PKHD1: variants seen among roughly 807,000 people sequenced by gnomAD.
PKHD1 encodes fibrocystin.
PKHD1 carries 291 observed loss-of-function variants against 412.0 expected under a neutral mutation model. That is an observed-to-expected ratio of 0.71 (90% confidence interval 0.64 to 0.78). The LOEUF (loss-of-function observed/expected upper bound fraction) is 0.78, where lower values mean the gene tolerates loss of function less well. Among genes scored for constraint, PKHD1 ranks in the 30% least tolerant of loss-of-function variants. The probability of loss-of-function intolerance (pLI) is 0.00; values close to 1 mark genes in which losing one functional copy is unlikely to be tolerated. For missense variants in PKHD1, 4,825 were observed against 4,950.7 expected, an observed-to-expected ratio of 0.97 and a Z score of 0.76; for synonymous variants, 1,777 against 1,821.5, an observed-to-expected ratio of 0.98 and a Z score of 0.62.
Position 51,856,074 on chromosome 6 carries a change from A to G in PKHD1, c.7734-4T>C, listed in dbSNP as rs7452724. The G allele has an allele frequency of 0.35, 548,624 of 1,559,800 alleles. 108,806 individuals carry two copies. Among genetic ancestry groups the G allele is most frequent in the East Asian group, 0.83 (36,720 of 44,276 alleles). On this transcript the variant is annotated splice_polypyrimidine_tract_variant and splice_region_variant and intron_variant, in intron 48 of 66. Coordinates refer to ENST00000371117, the MANE Select transcript of PKHD1 (RefSeq NM_138694.4). ...AGAAACTTCAGGAGTATTCGCTCTA[A>G]GGTGATTTTAAAAGGAAAAAAAATG...
chr6:52,028,289 C>T lies in PKHD1; in HGVS notation c.3427G>A (p.Val1143Ile), dbSNP rs560942967. The part of the protein sequence containing the change: ...LMNYTDLDVE[V>I]HVQDALAPVH... The stretch of plus-strand genomic sequence containing the variant: ...GGAGCCAAGGCATCCTGGACGTGGA[C>T]TTCCACATCCAAATCCGTATAGTTC... The change falls in exon 30 of 67, where the codon GTC becomes ATC. Residue 1143 changes from valine (V) to isoleucine (I), a missense_variant. Coordinates refer to ENST00000371117, the MANE Select transcript of PKHD1 (RefSeq NM_138694.4). 1 of 1,614,082 alleles carries T rather than the reference C, an allele frequency of 6.2e-7. No individual in the cohort carries two copies. The highest frequency in any genetic ancestry group is 8.5e-7 in the Non-Finnish European group (1 of 1,179,992).
At chr6:51,680,531 C>A (rs918701930) in intron 60 of PKHD1, among the ~76,000 whole-genome samples, 1 of 151,874 alleles carries the variant, frequency 6.6e-6, no homozygotes, top group Non-Finnish European at 1.5e-5. Context: ...GGTATATGTT[C>A]TATTTTGGTT....
intron 3 of PKHD1, 51 bp from the exon 4 acceptor site, chr6:52,082,593 G>T: frequency 6.3e-7 from 1 of 1,584,190 alleles, no homozygotes; most frequent in Non-Finnish European, 8.7e-7. Context: ...CATTGACACA[G>T]GACAGTGTGA....
intron 60 of PKHD1, among the ~76,000 whole-genome samples, chr6:51,691,721 T>C (rs145282000): frequency 8.5e-5 from 13 of 152,260 alleles, no homozygotes; most frequent in African/African-American, 3.1e-4. Context: ...GCTTAATACC[T>C]GGGTGACAAA....
chr6:51,951,646 C>T (rs1302208591), intron 36 of PKHD1, among the ~76,000 whole-genome samples: 1 of 151,978 alleles, frequency 6.6e-6, no homozygotes, highest in African/African-American at 2.4e-5. Flanking sequence ...ACAGTACTTC[C>T]TACCTTTACC....
chr6:51,748,700 C>G, intron 57 of PKHD1, 35 bp from the exon 58 acceptor site: 1 of 1,602,648 alleles, frequency 6.2e-7, no homozygotes, highest in East Asian at 2.2e-5. Flanking sequence ...GTACTTTCCT[C>G]TTCCCCACAA....
intron 52 of PKHD1, among the ~76,000 whole-genome samples, chr6:51,793,405 G>A (rs1165975903): frequency 1.3e-5 from 2 of 152,104 alleles, no homozygotes; most frequent in African/African-American, 4.8e-5. Flanking sequence ...ATGCAGGTTT[G>A]TTAACACAGG....
chr6:51,996,988 C>T (rs1797793374), intron 35 of PKHD1, among the ~76,000 whole-genome samples: 1 of 152,192 alleles, frequency 6.6e-6, no homozygotes, highest in Admixed American at 6.5e-5. Context: ...TTGGCCAAAA[C>T]CAATCAACAA....
rs748365248 is a variant in PKHD1, at chr6:52,070,405, C to T, written c.707+1G>A. 7 of 1,599,464 alleles carry T rather than the reference C, an allele frequency of 4.4e-6. No homozygotes were observed. The highest frequency in any genetic ancestry group is 6.0e-6 in the Non-Finnish European group (7 of 1,166,856). On this transcript the variant is annotated splice_donor_variant, in intron 10 of 66. Coordinates refer to ENST00000371117, the MANE Select transcript of PKHD1 (RefSeq NM_138694.4). LOFTEE classifies it high-confidence loss of function. ...GCCTATTTCTATACCCAGTTACTTACTTTCCTTTGTTAAATACTGAGAAGC... is the reference window on the plus strand; with the variant it reads ...GCCTATTTCTATACCCAGTTACTTATTTTCCTTTGTTAAATACTGAGAAGC...
intron 61 of PKHD1, among the ~76,000 whole-genome samples, chr6:51,650,072 G>A (rs1394588050): frequency 6.6e-6 from 1 of 152,142 alleles, no homozygotes; most frequent in Non-Finnish European, 1.5e-5. Context: ...CCTACAAATA[G>A]TAAGTGTTGA....
intron 51 of PKHD1, 71 bp downstream of exon 51, chr6:51,836,333 G>C: frequency 1.0e-6 from 1 of 982,738 alleles, no homozygotes; most frequent in Non-Finnish European, 1.7e-6. Context: ...GTATGACAAG[G>C]TGGAATTTGT....
intron 53 of PKHD1, among the ~76,000 whole-genome samples, chr6:51,790,577 T>C (rs1020296356): frequency 6.6e-6 from 1 of 152,164 alleles, no homozygotes; most frequent in African/African-American, 2.4e-5. Context: ...ATGCTTGCCT[T>C]CTCCTCACTA....
At position 52,059,963 on chromosome 6, in the gene PKHD1, A is replaced by G. The variant is rs1582024099; in HGVS notation, c.1198T>C (p.Leu400=). ...FWIQADSQAS[L]HFSWSEEPRT... ...GGTTCCTCTGACCAACTGAAATGCA[A>G]GGAAGCTTGGCTATCTGCCTGAATC... The change falls in exon 15 of 67, where the codon TTG becomes CTG. Residue 400 remains leucine (L), a synonymous_variant. Transcript: ENST00000371117. 1.4e-5 allele frequency: 22 copies of G among 1,604,752 alleles called. No homozygotes were observed. The highest frequency in any genetic ancestry group is 1.8e-5 in the Non-Finnish European group (21 of 1,171,558).
At chr6:51,726,891 A>G (rs1306319676) in intron 60 of PKHD1, among the ~76,000 whole-genome samples, 2 of 152,192 alleles carry the variant, frequency 1.3e-5, no homozygotes, top group Non-Finnish European at 2.9e-5. Context: ...GACTTTGAAG[A>G]TATTATTAAG....
intron 60 of PKHD1, chr6:51,739,921 T>C: frequency 1.9e-6 from 1 of 515,594 alleles, no homozygotes; most frequent in Admixed American, 2.0e-5. Flanking sequence ...CCATTTGTAG[T>C]CTGGGACAGA....
intron 37 of PKHD1, among the ~76,000 whole-genome samples, chr6:51,922,069 A>G (rs183940170): frequency 3.3e-5 from 5 of 152,142 alleles, no homozygotes; most frequent in Non-Finnish European, 7.4e-5. Flanking sequence ...TTGTGGTTTT[A>G]TCTACCTTTG....
At chr6:51,777,267 CA>C in intron 53 of PKHD1, among the ~76,000 whole-genome samples, 1 of 152,160 alleles carries the variant, frequency 6.6e-6, no homozygotes, top group East Asian at 1.9e-4. Flanking sequence ...CCTGGATAGC[CA>C]AAAGGCACAA....
chr6:51,970,277 A>G (rs1177347054), intron 35 of PKHD1, among the ~76,000 whole-genome samples: 1 of 151,962 alleles, frequency 6.6e-6, no homozygotes, highest in Non-Finnish European at 1.5e-5. Flanking sequence ...CTACTTTTTA[A>G]TAGGGTTGTT....
In PKHD1 at chr6:51,909,273, A is replaced by C; in HGVS notation, c.6682+10T>G. ...AAACATGAGAAAGTCCTAGGTCCGGACCCCCTTACCTCTCATAGCTCCCAC... is the reference window on the plus strand; with the variant it reads ...AAACATGAGAAAGTCCTAGGTCCGGCCCCCCTTACCTCTCATAGCTCCCAC... On this transcript the variant is annotated intron_variant, in intron 40 of 66. Coordinates refer to ENST00000371117, the MANE Select transcript of PKHD1 (RefSeq NM_138694.4). 6.2e-7 allele frequency: 1 copy of C among 1,608,200 alleles called. No homozygotes were observed. Among genetic ancestry groups the C allele is most frequent in the Non-Finnish European group, 8.5e-7 (1 of 1,175,020 alleles).
Sources: allele counts gnomAD v4.1 joint callset (sites outside exome capture counted in the v4.1 genomes callset), GRCh38; gene constraint gnomAD v4.1.1; transcripts MANE v1.5; gene names NCBI Gene and HGNC (gene_info 2026-07-23, HGNC 2026-07-21).